BEND7: variants seen among roughly 807,000 people sequenced by gnomAD.
The protein encoded by BEND7 is BEN domain-containing protein 7.
Under a neutral mutation model 50.9 loss-of-function variants are expected in BEND7, and 28 were observed. The observed-to-expected ratio is 0.55, with a 90% CI of 0.41 to 0.75. The LOEUF (loss-of-function observed/expected upper bound fraction) is 0.75, where lower values mean the gene tolerates loss of function less well. Ranked by LOEUF, BEND7 falls within the 30% of genes least tolerant of loss-of-function variation. The pLI is 0.00. For missense variants in BEND7, 477 were observed against 491.3 expected, an observed-to-expected ratio of 0.97 and a Z score of 0.28; for synonymous variants, 170 against 183.9, an observed-to-expected ratio of 0.92 and a Z score of 0.61.
intron 6 of BEND7, among the ~76,000 whole-genome samples, chr10:13,477,460 C>G (rs2075536132): frequency 1.3e-5 from 2 of 152,076 alleles, no homozygotes; most frequent in Non-Finnish European, 2.9e-5. Context: ...ATTCAAAAGA[C>G]TCAGGTTAGG....
chr10:13,474,522 T>TCGTTACACTCGGGGC (rs1356426934), intron 6 of BEND7, among the ~76,000 whole-genome samples: 1 of 150,600 alleles, frequency 6.6e-6, no homozygotes, highest in Admixed American at 6.6e-5. Flanking sequence ...TGGACTCGGG[T>TCGTTACACTCGGGGC]CGATACCCGT....
At chr10:13,503,033 G>T in intron 2 of BEND7, 1 of 640,692 alleles carries the variant, frequency 1.6e-6, no homozygotes, top group Non-Finnish European at 1.9e-6. Context: ...GGAACCTTCT[G>T]AGGGCAAATC....
intron 6 of BEND7, chr10:13,459,877 A>G (rs1417535191): frequency 6.6e-6 from 1 of 152,274 alleles, no homozygotes; most frequent in Non-Finnish European, 1.5e-5. Flanking sequence ...GAACGTGGAG[A>G]AAGATCAGGA....
intron 4 of BEND7, among the ~76,000 whole-genome samples, chr10:13,493,246 G>A (rs933204842): frequency 6.6e-6 from 1 of 152,240 alleles, no homozygotes; most frequent in South Asian, 2.1e-4. Context: ...AGATAGAGAC[G>A]GCTGTGCTTC....
At position 13,479,770 on chromosome 10, in the gene BEND7, T is replaced by C. The variant is rs74122762; in HGVS notation, c.1063+1129A>G. On this transcript the variant is annotated intron_variant, in intron 6 of 8. Coordinates refer to ENST00000466271, the MANE Select transcript of BEND7 (RefSeq NM_001369863.1). ...ACTGTCACTTTAAGTGAAAAAATTC[T>C]GATTGAGCATGAGAAATTCTCTGTT... Among the ~76,000 whole-genome samples, 941 of 152,024 alleles carry C rather than the reference T, an allele frequency of 6.2e-3. 7 individuals are homozygous for C. The highest frequency in any genetic ancestry group is 0.022 in the African/African-American group (919 of 41,540).
At chr10:13,480,037 C>A (rs1564322288) in intron 6 of BEND7, among the ~76,000 whole-genome samples, 1 of 152,200 alleles carries the variant, frequency 6.6e-6, no homozygotes, top group African/African-American at 2.4e-5. Flanking sequence ...CACAGCACCC[C>A]TATCCGTTAT....
intron 5 of BEND7, among the ~76,000 whole-genome samples, chr10:13,484,348 C>T (rs1323375275): frequency 2.0e-5 from 3 of 152,250 alleles, no homozygotes; most frequent in Non-Finnish European, 2.9e-5. Context: ...TCACTAATCT[C>T]ACATTTTCAC....
At chr10:13,486,301 T>C (rs2076218541) in intron 5 of BEND7, among the ~76,000 whole-genome samples, 4 of 152,248 alleles carry the variant, frequency 2.6e-5, no homozygotes, top group Admixed American at 2.6e-4. Flanking sequence ...AGTGCTGGGA[T>C]TATAGGCGGG....
In BEND7 at chr10:13,441,444, C is replaced by T. The variant is rs1835310706; in HGVS notation, c.*299G>A. ...ATTTCCAGTGTGTAGATCCGTTCATCGCACACATCTTTGGGTTGAACAAGC... is the reference window on the plus strand; with the variant it reads ...ATTTCCAGTGTGTAGATCCGTTCATTGCACACATCTTTGGGTTGAACAAGC... On this transcript the variant is annotated 3_prime_UTR_variant, in exon 9 of 9. Coordinates refer to ENST00000466271, the MANE Select transcript of BEND7 (RefSeq NM_001369863.1). 2.5e-5 allele frequency: 29 copies of T among 1,142,836 alleles called. No homozygotes were observed. Among genetic ancestry groups the T allele is most frequent in the Admixed American group, 5.3e-5 (1 of 18,786 alleles). 70.8% of individuals were successfully genotyped at this position (1,142,836 alleles called of 1,614,324 possible).
intron 6 of BEND7, among the ~76,000 whole-genome samples, chr10:13,466,133 C>G (rs1041394984): frequency 1.3e-5 from 2 of 151,856 alleles, no homozygotes; most frequent in African/African-American, 4.8e-5. Context: ...TTGTTTAACA[C>G]AGTTGGTATA....
intron 6 of BEND7, among the ~76,000 whole-genome samples, chr10:13,469,442 G>T (rs899508703): frequency 6.6e-6 from 1 of 152,106 alleles, no homozygotes; most frequent in Admixed American, 6.5e-5. Context: ...AGCCAAAATC[G>T]ATTACAGCTT....
intron 6 of BEND7, among the ~76,000 whole-genome samples, chr10:13,465,313 C>T (rs1245693498): frequency 6.6e-6 from 1 of 152,122 alleles, no homozygotes; most frequent in East Asian, 1.9e-4. Context: ...AAAATGATGC[C>T]TTTAAATTAA....
downstream of BEND7, chr10:13,438,743 G>C (rs749994126): frequency 2.5e-5 from 4 of 161,610 alleles, no homozygotes; most frequent in Admixed American, 6.1e-5. Context: ...CTGAGGGGGC[G>C]GTATTAGGGG....
At chr10:13,459,608 A>T (rs1489698800) in intron 6 of BEND7, 4 of 152,216 alleles carry the variant, frequency 2.6e-5, no homozygotes, top group Admixed American at 6.5e-5. Context: ...CAATTGTTCT[A>T]GTCTTGGAAT....
chr10:13,479,260 C>T (rs779780885), intron 6 of BEND7, among the ~76,000 whole-genome samples: 15 of 152,072 alleles, frequency 9.9e-5, no homozygotes, highest in Admixed American at 4.6e-4. Context: ...CCACCCACCT[C>T]GGCCTCCCAA....
At chr10:13,498,224 C>T (rs1406055730) in intron 3 of BEND7, among the ~76,000 whole-genome samples, 2 of 151,820 alleles carry the variant, frequency 1.3e-5, no homozygotes, top group Non-Finnish European at 2.9e-5. Context: ...TACATGCATG[C>T]GCTACCACGC....
Position 13,447,279 on chromosome 10 carries a change from A to T in BEND7, c.1221T>A (p.Ala407=), listed in dbSNP as rs146499991. 6.2e-7 allele frequency: 1 copy of T among 1,614,160 alleles called. No homozygotes were observed. The highest frequency in any genetic ancestry group is 1.7e-5 in the Admixed American group (1 of 60,016). ...ADSDERLDGI[A]LPPTVV ...CGTTTTATTTACCTGTTGGTGGTAG[A>T]GCAATGCCGTCCAGTCTTTCATCAC... The change falls in exon 8 of 9, where the codon GCT becomes GCA. Residue 407 remains alanine (A), a synonymous_variant. Transcript: ENST00000466271.
chr10:13,523,678 T>C (rs992247823), intron 2 of BEND7, among the ~76,000 whole-genome samples: 1 of 152,222 alleles, frequency 6.6e-6, no homozygotes, highest in South Asian at 2.1e-4. Flanking sequence ...AAAATAAACA[T>C]AATTGAAATC....
intron 6 of BEND7, among the ~76,000 whole-genome samples, chr10:13,473,970 T>C (rs536655626): frequency 7.3e-5 from 11 of 150,404 alleles, no homozygotes; most frequent in Non-Finnish European, 1.5e-4. Context: ...TCGGGGCCAA[T>C]ACTTGTCATC....
Sources: gnomAD v4.1 joint callset for allele counts (sites outside exome capture counted in the v4.1 genomes callset) on GRCh38, gnomAD v4.1.1 for gene constraint, MANE v1.5 for transcripts, NCBI Gene and HGNC (gene_info 2026-07-23, HGNC 2026-07-21) for gene names.